The following ANKLE2 variants were observed in gnomAD, a reference collection of about 807,000 sequenced individuals.
ANKLE2 encodes the protein ankyrin repeat and LEM domain-containing protein 2.
A neutral mutation model predicts 84.2 loss-of-function variants in ANKLE2; 55 were observed. The observed-to-expected ratio is 0.65, with a 90% CI of 0.53 to 0.82. The LOEUF (loss-of-function observed/expected upper bound fraction) is 0.82, where lower values mean the gene tolerates loss of function less well. ANKLE2 is among the 40% of genes least tolerant of loss of function. ANKLE2 has a pLI of 0.00. For synonymous variants in ANKLE2, 551 were observed against 486.1 expected (o/e 1.13, Z -1.76); for missense variants, 1,238 against 1,201.9 (o/e 1.03, Z -0.44).
chr12:132,735,223 G>A (rs576224271), intron 9 of ANKLE2, 183 bp downstream of exon 9: 80 of 607,888 alleles, frequency 1.3e-4, no homozygotes, highest in East Asian at 3.4e-4. Context: ...GGTCTGGGAC[G>A]GGACTGGCTT....
intron 1 of ANKLE2, chr12:132,759,835 A>G (rs961808680): frequency 6.6e-6 from 1 of 152,172 alleles, no homozygotes; most frequent in Non-Finnish European, 1.5e-5. Context: ...GGTTAAGCCC[A>G]CAGCAATAAG....
intron 8 of ANKLE2, among the ~76,000 whole-genome samples, chr12:132,736,614 G>C (rs1464884852): frequency 6.6e-6 from 1 of 152,218 alleles, no homozygotes; most frequent in Non-Finnish European, 1.5e-5. Context: ...AGGGCGACAC[G>C]CGCACAGGAC....
rs1174045591 is a variant in ANKLE2, at chr12:132,761,629, G to A, written c.170C>T (p.Ala57Val). 1.1e-5 allele frequency: 14 copies of A among 1,258,254 alleles called. No homozygotes were observed. The South Asian group carries it at 2.5e-4, about 22-fold the overall frequency. The allele number at this position is 1,258,254 out of a possible 1,614,324, so 77.9% of individuals were successfully genotyped here. ...TPVPPPSAAA[A>V]PASGEMTMDA... ...CGCCTGGGCCTTACCTGAGGCGGGG[G>A]CGGCGGCCGCGCTTGGCGGAGGAAC... The change falls in exon 1 of 13, where the codon GCC becomes GTC. Residue 57 changes from alanine to valine, a missense_variant. By Grantham distance (64) the Ala-to-Val change is moderately conservative. This residue lies in a region of ANKLE2 where 422 missense variants were observed against 394.5 expected (regional missense o/e 1.07). Coordinates refer to ENST00000357997, the MANE Select transcript of ANKLE2 (RefSeq NM_015114.3).
At chr12:132,740,600 C>T (rs7308192) in intron 7 of ANKLE2, among the ~76,000 whole-genome samples, 8,541 of 152,048 alleles carry the variant, frequency 0.056, 314 homozygotes, top group East Asian at 0.1. Flanking sequence ...TTCAATCTCA[C>T]CAGCAAGCAG....
intron 3 of ANKLE2, among the ~76,000 whole-genome samples, chr12:132,749,584 G>A (rs918218223): frequency 1.1e-4 from 17 of 152,250 alleles, no homozygotes; most frequent in Non-Finnish European, 2.9e-5. Context: ...CTGAGGGCAG[G>A]CGGATGACTG....
At chr12:132,747,010 C>T (rs1384368255) in intron 5 of ANKLE2, among the ~76,000 whole-genome samples, 1 of 152,198 alleles carries the variant, frequency 6.6e-6, no homozygotes, top group Non-Finnish European at 1.5e-5. Context: ...GAGCTGTGCC[C>T]GCTTCCCAGT....
At position 132,761,747 on chromosome 12, in the gene ANKLE2, G is replaced by A; in HGVS notation, c.52C>T (p.Leu18=). 2.3e-6 allele frequency: 3 copies of A among 1,287,016 alleles called. No individual in the cohort carries two copies. The highest frequency in any genetic ancestry group is 2.0e-6 in the Non-Finnish European group (2 of 1,010,410). 79.7% of individuals were successfully genotyped at this position (1,287,016 alleles called of 1,614,324 possible). A position where few individuals can be genotyped will look rare whatever the true frequency, so the allele number is the denominator to read the frequency against. The change falls in exon 1 of 13, where the codon CTG becomes TTG. Residue 18 remains leucine (L), a synonymous_variant. Coordinates refer to ENST00000357997, the MANE Select transcript of ANKLE2 (RefSeq NM_015114.3). ...AAEWAALAWE[L]LGASVLLIAV... ...ATCAGCAGCACCGAGGCGCCCAGCA[G>A]CTCCCAGGCCAGCGCCGCCCACTCG...
rs1413150116 is a variant in ANKLE2 at position 132,725,836 on chromosome 12, T to C, written c.*1406A>G. 1 of 152,282 alleles carries C rather than the reference T, an allele frequency of 6.6e-6. No individual in the cohort carries two copies. Among genetic ancestry groups the C allele is most frequent in the East Asian group, 1.9e-4 (1 of 5,206 alleles). The allele number at this position is 152,282 out of a possible 1,614,324, so 9.4% of individuals were successfully genotyped here. On this transcript the variant is annotated 3_prime_UTR_variant, in exon 13 of 13. Transcript: ENST00000357997. ...TTTTTAGAATAGCATGTGTTGTTTC[T>C]GTCTGGGATCTAGATCTTGTCTGCT...
chr12:132,761,554 G>T, intron 1 of ANKLE2, 64 bp downstream of exon 1: 1 of 1,172,664 alleles, frequency 8.5e-7, no homozygotes, highest in Non-Finnish European at 1.1e-6. Flanking sequence ...CCCCAGGCCC[G>T]AGGAGGGCGT....
intron 10 of ANKLE2, 56 bp from the exon 11 acceptor site, chr12:132,730,326 T>A: frequency 7.0e-7 from 1 of 1,432,258 alleles, no homozygotes; most frequent in Non-Finnish European, 9.3e-7. Context: ...GCCACGGAGC[T>A]GCTCCGCCCC....
At chr12:132,759,513 A>ATATATATG (rs1437600105) in intron 1 of ANKLE2, 1 of 114,190 alleles carries the variant, frequency 8.8e-6, no homozygotes, top group East Asian at 2.1e-4. Context: ...TCTGCTGACT[A>ATATATATG]TATATATGTA....
rs201228612 is a variant in ANKLE2 at position 132,747,979 on chromosome 12, C to T, written c.1083G>A (p.Glu361=). The change falls in exon 5 of 13, where the codon GAG becomes GAA. Residue 361 remains glutamate (E), a synonymous_variant. Transcript: ENST00000357997. ...RYNVMHVAAK[E]NQASICQLTL... ...TCAGCTGGCAGATGGAAGCCTGGTT[C>T]TCTTTGGCAGCAACATGCATCACGT... 4.8e-5 allele frequency: 77 copies of T among 1,597,548 alleles called. No homozygotes were observed. Among genetic ancestry groups the T allele is most frequent in the Non-Finnish European group, 6.0e-5 (70 of 1,175,758 alleles).
At chr12:132,727,975 C>G in intron 12 of ANKLE2, 57 bp downstream of exon 12, 1 of 1,565,144 alleles carries the variant, frequency 6.4e-7, no homozygotes, top group Non-Finnish European at 8.6e-7. Context: ...GAACTGGACC[C>G]TGCAGAAGTT....
intron 1 of ANKLE2, chr12:132,755,873 G>C (rs1354703623): frequency 6.7e-6 from 1 of 149,388 alleles, no homozygotes; most frequent in East Asian, 2.1e-4. Context: ...ACGGAGTCTC[G>C]CTCTGTCACC....
chr12:132,748,419 T>A, intron 3 of ANKLE2, 88 bp from the exon 4 acceptor site: 1 of 1,487,988 alleles, frequency 6.7e-7, no homozygotes. Flanking sequence ...GATAAGCAGC[T>A]TTCCACAGAG....
chr12:132,732,635 C>T (rs1220128556), intron 10 of ANKLE2, among the ~76,000 whole-genome samples: 78 of 68,248 alleles, frequency 1.1e-3, no homozygotes, highest in African/African-American at 1.6e-3. Flanking sequence ...TGATACGCAC[C>T]GTGAAGCGCT....
In ANKLE2 at chr12:132,750,649, A is replaced by T; in HGVS notation, c.841T>A (p.Leu281Met). The T allele has an allele frequency of 3.7e-6, 6 of 1,614,124 alleles. No homozygotes were observed. Among genetic ancestry groups the T allele is most frequent in the Non-Finnish European group, 4.2e-6 (5 of 1,180,006 alleles). Residue 281 changes from leucine (L) to methionine (M), a missense_variant, in exon 3 of 13, where the codon TTG becomes ATG. Physicochemically the swap from Leu to Met is conservative, Grantham distance 15 (BLOSUM62 2). This residue lies in a region of ANKLE2 where 422 missense variants were observed against 394.5 expected (regional missense o/e 1.07). Coordinates refer to ENST00000357997, the MANE Select transcript of ANKLE2 (RefSeq NM_015114.3). The stretch of plus-strand genomic sequence containing the variant: ...GAACGGCTGCATGATTTACCTTTCA[A>T]CCTGTCATTGCTAAAGAGTGGAGCT... Reference protein sequence around the residue: ...KTAPLFSNDRLKDGLCLSESE... With the variant: ...KTAPLFSNDRMKDGLCLSESE...
At chr12:132,750,118 T>G (rs1246781819) in intron 3 of ANKLE2, among the ~76,000 whole-genome samples, 1 of 146,422 alleles carries the variant, frequency 6.8e-6, no homozygotes, top group Non-Finnish European at 1.5e-5. Context: ...GGCAGGAGAA[T>G]CGCTTGAACC....
intron 1 of ANKLE2, chr12:132,760,544 G>A (rs1343873083): frequency 1.3e-5 from 2 of 152,284 alleles, no homozygotes; most frequent in African/African-American, 2.4e-5. Flanking sequence ...GACCTCCTCA[G>A]GTTGCGGTAA....
Sources: gnomAD v4.1 joint callset for allele counts (sites outside exome capture counted in the v4.1 genomes callset) on GRCh38, gnomAD v4.1.1 for gene constraint, gnomAD v4.1.1 regional missense constraint, MANE v1.5 for transcripts, NCBI Gene and HGNC (gene_info 2026-07-23, HGNC 2026-07-21) for gene names.